TANC1: variants seen among roughly 807,000 people sequenced by gnomAD.
TANC1 encodes the protein tetratricopeptide repeat, ankyrin repeat and coiled-coil containing 1.
In TANC1, 77 loss-of-function variants were observed where a neutral mutation model predicts 149.7. The ratio of observed to expected loss-of-function variants is 0.51; its 90% confidence interval spans 0.43 to 0.62. The LOEUF is 0.62. Among genes scored for constraint, TANC1 ranks in the 20% least tolerant of loss-of-function variants. The pLI is 0.00. For missense variants in TANC1, 1,985 were observed against 2,321.8 expected, an observed-to-expected ratio of 0.85 and a Z score of 2.98; for synonymous variants, 854 against 925.0, an observed-to-expected ratio of 0.92 and a Z score of 1.39.
intron 18 of TANC1, 71 bp downstream of exon 18, chr2:159,196,864 A>G: frequency 7.0e-7 from 1 of 1,418,908 alleles, no homozygotes; most frequent in Non-Finnish European, 9.5e-7. Flanking sequence ...GACACACTGA[A>G]GGACCGAAAG....
At chr2:159,028,496 T>C (rs1424577083) in intron 2 of TANC1, among the ~76,000 whole-genome samples, 1 of 152,238 alleles carries the variant, frequency 6.6e-6, no homozygotes, top group African/African-American at 2.4e-5. Context: ...TTGAAGCTAA[T>C]GTAATCTGAA....
chr2:159,219,458 C>T, intron 21 of TANC1, 97 bp downstream of exon 21: 1 of 1,544,244 alleles, frequency 6.5e-7, no homozygotes, highest in Non-Finnish European at 8.9e-7. Flanking sequence ...TCTAAGTTTT[C>T]TGTTAATGGA....
At chr2:159,046,543 A>G (rs1222606690) in intron 2 of TANC1, among the ~76,000 whole-genome samples, 2 of 135,816 alleles carry the variant, frequency 1.5e-5, no homozygotes, top group East Asian at 3.9e-4. Flanking sequence ...TCCTCATCAA[A>G]GCTGTCTCTT....
chr2:159,196,208 C>T (rs1400147402), intron 17 of TANC1, among the ~76,000 whole-genome samples: 7 of 152,178 alleles, frequency 4.6e-5, no homozygotes, highest in Admixed American at 2.0e-4. Context: ...AGTGGCTCTA[C>T]TCCTTCAAAT....
chr2:159,193,423 T>C (rs899444052), intron 16 of TANC1, among the ~76,000 whole-genome samples: 2 of 152,258 alleles, frequency 1.3e-5, no homozygotes, highest in African/African-American at 4.8e-5. Context: ...GCAATTAACA[T>C]GAGGGTACAA....
Position 159,099,497 on chromosome 2 carries a change from CAAAAAA to C in TANC1, c.259+1669_259+1674del, listed in dbSNP as rs758306801. Among the ~76,000 whole-genome samples the C allele has an allele frequency of 1.3e-4, 18 of 138,008 alleles. 1 individual carries two copies. Among genetic ancestry groups the C allele is most frequent in the South Asian group, 1.2e-3 (5 of 4,232 alleles). The allele number at this position is 138,008 out of a possible 152,430, so 90.5% of individuals were successfully genotyped here. ...CCCCTGAATTAGTGGGTATATTGAC[CAAAAAA>C]AAAAACAAAACAAAACAAAACAAAA... On this transcript the variant is annotated intron_variant, in intron 4 of 26. Transcript: ENST00000263635.
chr2:159,228,387 C>A, intron 25 of TANC1: 1 of 253,304 alleles, frequency 3.9e-6, no homozygotes, highest in Non-Finnish European at 7.6e-6. Context: ...AACTCATAGT[C>A]GATTTGTAAC....
chr2:158,998,402 A>G (rs981694375), intron 1 of TANC1, among the ~76,000 whole-genome samples: 1 of 152,202 alleles, frequency 6.6e-6, no homozygotes, highest in African/African-American at 2.4e-5. Context: ...AATTGCAAAC[A>G]TCAGTACATG....
At chr2:159,159,458 C>T (rs932165969) in intron 7 of TANC1, among the ~76,000 whole-genome samples, 6 of 141,754 alleles carry the variant, frequency 4.2e-5, no homozygotes, top group African/African-American at 1.6e-4. Flanking sequence ...AAAAAAAAAA[C>T]TTTGGGAAGG....
At chr2:159,149,080 T>A in intron 5 of TANC1, 62 bp from the exon 6 acceptor site, 1 of 1,522,540 alleles carries the variant, frequency 6.6e-7, no homozygotes, top group Non-Finnish European at 8.8e-7. Flanking sequence ...TGTGAACTCA[T>A]CCAGATGCGA....
chr2:159,034,368 A>G (rs1169389637), intron 2 of TANC1, among the ~76,000 whole-genome samples: 6 of 152,188 alleles, frequency 3.9e-5, no homozygotes, highest in Non-Finnish European at 8.8e-5. Context: ...ACCTGACCCC[A>G]TCAGGAGGAC....
At position 159,068,979 on chromosome 2, in the gene TANC1, G is replaced by A. The variant is rs543324558; in HGVS notation, c.61+3008G>A. ...TGGTCTTGAACTCCTGACCTCAAGT[G>A]ATCCACTCGCCTCGGCCTCGCAAAG... On this transcript the variant is annotated intron_variant, in intron 3 of 26. Transcript: ENST00000263635. Among the ~76,000 whole-genome samples the A allele has an allele frequency of 2.0e-5, 3 of 152,278 alleles. No individual in the cohort carries two copies. In the South Asian group the frequency reaches 6.2e-4, roughly 32 times the overall value.
intron 5 of TANC1, among the ~76,000 whole-genome samples, chr2:159,140,319 C>T (rs2051221207): frequency 6.6e-6 from 1 of 151,916 alleles, no homozygotes; most frequent in Admixed American, 6.6e-5. Flanking sequence ...AACCTTGATC[C>T]TGCTTTAATT....
At position 159,154,719 on chromosome 2, in the gene TANC1, A is replaced by G. The variant is rs533322770; in HGVS notation, c.682+4163A>G. Among the ~76,000 whole-genome samples the G allele has an allele frequency of 1.2e-4, 18 of 152,346 alleles. No homozygotes were observed. In the East Asian group the frequency reaches 1.7e-3, roughly 15 times the overall value. On this transcript the variant is annotated intron_variant, in intron 7 of 26. Transcript: ENST00000263635. ...CTGAATGGGATTAACTGAATTCCCTATGATTATCTTTTTTATTTTTTTAAG... is the reference window on the plus strand; with the variant it reads ...CTGAATGGGATTAACTGAATTCCCTGTGATTATCTTTTTTATTTTTTTAAG...
chr2:159,087,325 G>A (rs2045003427), intron 3 of TANC1, among the ~76,000 whole-genome samples: 1 of 152,204 alleles, frequency 6.6e-6, no homozygotes, highest in African/African-American at 2.4e-5. Context: ...GGATAAATGG[G>A]TTGTACATTT....
At chr2:159,196,545 G>A (rs2057864493) in intron 17 of TANC1, 63 bp from the exon 18 acceptor site, 1 of 1,432,380 alleles carries the variant, frequency 7.0e-7, no homozygotes, top group East Asian at 2.3e-5. Context: ...GCTAGGTGGT[G>A]CATCTGCATG....
At chr2:158,995,249 G>A (rs549303662) in intron 1 of TANC1, among the ~76,000 whole-genome samples, 3 of 152,122 alleles carry the variant, frequency 2.0e-5, no homozygotes, top group Non-Finnish European at 4.4e-5. Context: ...CTGGGGGGGC[G>A]CTCAGTTTTG....
intron 2 of TANC1, among the ~76,000 whole-genome samples, chr2:159,050,832 A>G (rs2041410936): frequency 6.6e-6 from 1 of 152,196 alleles, no homozygotes; most frequent in Non-Finnish European, 1.5e-5. Context: ...ATAAAAAGTG[A>G]TGTCAATTGG....
rs558758153 is a variant in TANC1 at position 159,210,219 on chromosome 2, C to T, written c.3245-7278C>T. On this transcript the variant is annotated intron_variant, in intron 19 of 26. Coordinates refer to ENST00000263635, the MANE Select transcript of TANC1 (RefSeq NM_033394.3). ...GCCAGCGGGAAGCAGCTTCTGTGTGCGCTGACCCTGCCGCCCTTCTCTCCA... is the reference window on the plus strand; with the variant it reads ...GCCAGCGGGAAGCAGCTTCTGTGTGTGCTGACCCTGCCGCCCTTCTCTCCA... 2.0e-5 allele frequency among the ~76,000 whole-genome samples: 3 copies of T among 152,268 alleles called. No homozygotes were observed. The East Asian group carries it at 5.8e-4, about 29-fold the overall frequency.
Sources: gnomAD v4.1 joint callset for allele counts (sites outside exome capture counted in the v4.1 genomes callset) on GRCh38, gnomAD v4.1.1 for gene constraint, MANE v1.5 for transcripts, NCBI Gene and HGNC (gene_info 2026-07-23, HGNC 2026-07-21) for gene names.